The following TMCC1 variants were observed in gnomAD, a reference collection of about 807,000 sequenced individuals.
TMCC1 encodes transmembrane and coiled-coil domain family 1, also known as transmembrane and coiled-coil domains protein 1.
A neutral mutation model predicts 52.4 loss-of-function variants in TMCC1; 15 were observed. The observed-to-expected ratio is 0.29, with a 90% CI of 0.19 to 0.44. The LOEUF (loss-of-function observed/expected upper bound fraction) is 0.44, where lower values mean the gene tolerates loss of function less well. Ranked by LOEUF, TMCC1 falls within the 20% of genes least tolerant of loss-of-function variation. The probability of loss-of-function intolerance (pLI) is 1.00; values close to 1 mark genes in which losing one functional copy is unlikely to be tolerated. For missense variants in TMCC1, 503 were observed against 806.0 expected (o/e 0.62, Z 4.55); for synonymous variants, 279 against 301.9 (o/e 0.92, Z 0.79).
chr3:129,785,132 T>C (rs931346447), intron 4 of TMCC1, among the ~76,000 whole-genome samples: 12 of 152,142 alleles, frequency 7.9e-5, no homozygotes, highest in Non-Finnish European at 1.6e-4. Context: ...TGTATTTAGA[T>C]AACACCCAAC....
At chr3:129,881,488 T>C (rs1304123505) in intron 1 of TMCC1, among the ~76,000 whole-genome samples, 1 of 152,010 alleles carries the variant, frequency 6.6e-6, no homozygotes, top group Non-Finnish European at 1.5e-5. Flanking sequence ...GCAGAAAATG[T>C]AGAATAATCA....
chr3:129,712,215 C>T (rs1457309647), intron 4 of TMCC1, among the ~76,000 whole-genome samples: 3 of 151,952 alleles, frequency 2.0e-5, no homozygotes, highest in Admixed American at 2.0e-4. Context: ...AGATCGAATG[C>T]ATTTGAAAAC....
At chr3:129,762,971 G>A (rs1197868460) in intron 4 of TMCC1, among the ~76,000 whole-genome samples, 1 of 151,772 alleles carries the variant, frequency 6.6e-6, no homozygotes, top group East Asian at 1.9e-4. Context: ...GGCTGAGGTG[G>A]GTGGATCATG....
At chr3:129,866,381 T>A (rs1344087579) in intron 2 of TMCC1, among the ~76,000 whole-genome samples, 8 of 142,672 alleles carry the variant, frequency 5.6e-5, no homozygotes, top group African/African-American at 2.0e-4. Context: ...TATATATGTT[T>A]TTTTTTTTTT....
At chr3:129,842,477 AACACACAC>A (rs61106930) in intron 2 of TMCC1, among the ~76,000 whole-genome samples, 1 of 147,650 alleles carries the variant, frequency 6.8e-6, no homozygotes, top group Non-Finnish European at 1.5e-5. Context: ...AAAAAAACAA[AACACACAC>A]ACACACACAC....
intron 4 of TMCC1, among the ~76,000 whole-genome samples, chr3:129,819,329 C>T (rs548920122): frequency 1.1e-4 from 16 of 152,172 alleles, no homozygotes; most frequent in South Asian, 6.2e-4. Flanking sequence ...GTGATCCGCC[C>T]GCCTCGGCCT....
chr3:129,764,733 TTG>T (rs150255907), intron 4 of TMCC1, among the ~76,000 whole-genome samples: 27 of 58,068 alleles, frequency 4.6e-4, no homozygotes, highest in African/African-American at 1.1e-3. Flanking sequence ...TCCTATAATA[TTG>T]TGTGTGTGTG....
chr3:129,803,838 T>C (rs2057322049), intron 4 of TMCC1, among the ~76,000 whole-genome samples: 1 of 152,136 alleles, frequency 6.6e-6, no homozygotes, highest in Admixed American at 6.5e-5. Flanking sequence ...AAATAATTAT[T>C]TTAAAATATA....
intron 4 of TMCC1, among the ~76,000 whole-genome samples, chr3:129,736,881 C>G (rs2051016483): frequency 6.6e-6 from 1 of 151,984 alleles, no homozygotes; most frequent in African/African-American, 2.4e-5. Context: ...TTCAAATATA[C>G]TGGAAAAAAA....
intron 4 of TMCC1, among the ~76,000 whole-genome samples, chr3:129,712,077 T>C (rs571545240): frequency 7.3e-5 from 11 of 149,976 alleles, no homozygotes; most frequent in Middle Eastern, 6.9e-3. Context: ...CTCAGGAGGC[T>C]GAGGCAGGAG....
In TMCC1 at chr3:129,863,845, G is replaced by C. The variant is rs191694979; in HGVS notation, c.-184+16464C>G. Among the ~76,000 whole-genome samples, 11 of 152,008 alleles carry C rather than the reference G, an allele frequency of 7.2e-5. No individual in the cohort carries two copies. The East Asian group carries it at 2.1e-3, about 29-fold the overall frequency. On this transcript the variant is annotated intron_variant, in intron 2 of 6. Transcript: ENST00000393238. ...CCACTGTACTCCACCCTGGGTGACAGAGCGAGACTCTTATCTCAAGAAAAA... is the reference window on the plus strand; with the variant it reads ...CCACTGTACTCCACCCTGGGTGACACAGCGAGACTCTTATCTCAAGAAAAA...
chr3:129,762,970 G>A (rs1472916086), intron 4 of TMCC1, among the ~76,000 whole-genome samples: 1 of 151,534 alleles, frequency 6.6e-6, no homozygotes, highest in Non-Finnish European at 1.5e-5. Flanking sequence ...AGGCTGAGGT[G>A]GGTGGATCAT....
chr3:129,746,159 T>G (rs1355489291), intron 4 of TMCC1, among the ~76,000 whole-genome samples: 2 of 151,948 alleles, frequency 1.3e-5, no homozygotes, highest in Non-Finnish European at 2.9e-5. Flanking sequence ...GCATATAGCT[T>G]TAAAAACTGG....
intron 4 of TMCC1, among the ~76,000 whole-genome samples, chr3:129,760,295 G>C (rs566324451): frequency 6.6e-6 from 1 of 152,032 alleles, no homozygotes; most frequent in South Asian, 2.1e-4. Flanking sequence ...CCGCAGCCTC[G>C]AGCTTCTGGG....
chr3:129,753,868 G>T (rs9847826), intron 4 of TMCC1, among the ~76,000 whole-genome samples: 13,834 of 149,330 alleles, frequency 0.093, 2,058 homozygotes, highest in African/African-American at 0.32. Flanking sequence ...AAAATAAATA[G>T]AAAGCATACA....
At chr3:129,846,101 A>G (rs1418105239) in intron 2 of TMCC1, among the ~76,000 whole-genome samples, 1 of 152,198 alleles carries the variant, frequency 6.6e-6, no homozygotes, top group Non-Finnish European at 1.5e-5. Context: ...GGGCAAAAAA[A>G]AAAGGTCAGT....
In TMCC1 at chr3:129,828,525, A is replaced by T. The variant is rs1446819351; in HGVS notation, c.-130-17T>A. 1.6e-6 allele frequency: 1 copy of T among 642,036 alleles called. No individual in the cohort carries two copies. The highest frequency in any genetic ancestry group is 2.6e-6 in the Non-Finnish European group (1 of 389,872). The allele number at this position is 642,036 out of a possible 1,614,324, so 39.8% of individuals were successfully genotyped here. A position where few individuals can be genotyped will look rare whatever the true frequency, so the allele number is the denominator to read the frequency against. ...CATGCCTATCTAATGTTAAAAACAAAAAAACAAAAAAACAAAAAAAAAACC... is the reference window on the plus strand; with the variant it reads ...CATGCCTATCTAATGTTAAAAACAATAAAACAAAAAAACAAAAAAAAAACC... On this transcript the variant is annotated splice_polypyrimidine_tract_variant and intron_variant, in intron 3 of 6. Coordinates refer to ENST00000393238, the MANE Select transcript of TMCC1 (RefSeq NM_001017395.5). The surrounding 1 kb of genome is among the most constrained non-coding windows in gnomAD (Gnocchi z 4.1).
intron 1 of TMCC1, among the ~76,000 whole-genome samples, chr3:129,883,087 G>A (rs1438846825): frequency 1.3e-5 from 2 of 151,494 alleles, no homozygotes; most frequent in African/African-American, 4.9e-5. Context: ...TCAGGAGTTC[G>A]AGACCAGCCT....
chr3:129,760,206 ATTCT>A (rs746524937), intron 4 of TMCC1, among the ~76,000 whole-genome samples: 8 of 151,560 alleles, frequency 5.3e-5, no homozygotes, highest in Non-Finnish European at 1.0e-4. Flanking sequence ...TGACATATTA[ATTCT>A]TTGTTTTTTC....
Sources: allele counts gnomAD v4.1 joint callset (sites outside exome capture counted in the v4.1 genomes callset), GRCh38; gene constraint gnomAD v4.1.1; non-coding constraint Gnocchi (gnomAD v3.1); transcripts MANE v1.5; gene names NCBI Gene and HGNC (gene_info 2026-07-23, HGNC 2026-07-21).